Variants in KCNQ5 observed in about 807,000 individuals in gnomAD.
KCNQ5 encodes potassium voltage-gated channel subfamily Q member 5.
Under a neutral mutation model 98.2 loss-of-function variants are expected in KCNQ5, and 30 were observed. The ratio of observed to expected loss-of-function variants is 0.31; its 90% CI spans 0.23 to 0.41. The LOEUF (loss-of-function observed/expected upper bound fraction) is 0.41. KCNQ5 is among the 10% of genes least tolerant of loss of function. The pLI is 1.00. For missense variants in KCNQ5, 835 were observed against 1,182.5 expected (o/e 0.71, Z 4.31); for synonymous variants, 458 against 449.4 (o/e 1.02, Z -0.24).
chr6:72,664,595 CA>C (rs1476066972), intron 1 of KCNQ5, among the ~76,000 whole-genome samples: 1 of 151,998 alleles, frequency 6.6e-6, no homozygotes, highest in African/African-American at 2.4e-5. Context: ...GCAGAGCTTG[CA>C]ATGAGCTGAG....
intron 1 of KCNQ5, among the ~76,000 whole-genome samples, chr6:72,846,511 A>AG (rs1489479508): frequency 7.2e-6 from 1 of 138,220 alleles, no homozygotes; most frequent in Admixed American, 6.9e-5. Flanking sequence ...TCATCTCTAC[A>AG]GGGGAAAAAA....
rs375322523 is a variant in KCNQ5 at position 72,803,829 on chromosome 6, T to A, written c.398+181242T>A. Among the ~76,000 whole-genome samples, 15 of 152,252 alleles carry A rather than the reference T, an allele frequency of 9.9e-5. No individual in the cohort carries two copies. In the East Asian group the frequency reaches 1.7e-3, roughly 18 times the overall value. ...TCCCCTAAGATAGGTTCTTCTAAAC[T>A]GTTATAAATAATACTTTTGTTTGTG... On this transcript the variant is annotated intron_variant, in intron 1 of 13. Transcript: ENST00000370398.
intron 1 of KCNQ5, among the ~76,000 whole-genome samples, chr6:72,960,179 C>A (rs1278675934): frequency 6.6e-6 from 1 of 152,206 alleles, no homozygotes; most frequent in South Asian, 2.1e-4. Context: ...GAGAAAGTGA[C>A]CAAATGATCC....
At chr6:73,023,203 T>C (rs999455748) in intron 2 of KCNQ5, among the ~76,000 whole-genome samples, 1 of 151,384 alleles carries the variant, frequency 6.6e-6, no homozygotes, top group Non-Finnish European at 1.5e-5. Flanking sequence ...CATCAAGGGG[T>C]GGTGTTTGAG....
chr6:72,651,388 A>C (rs2154472409), intron 1 of KCNQ5, among the ~76,000 whole-genome samples: 1 of 152,222 alleles, frequency 6.6e-6, no homozygotes, highest in Non-Finnish European at 1.5e-5. Flanking sequence ...CAGTGGAAAA[A>C]ACAACATAGC....
chr6:72,818,483 T>C (rs1198248647), intron 1 of KCNQ5, among the ~76,000 whole-genome samples: 1 of 152,046 alleles, frequency 6.6e-6, no homozygotes, highest in African/African-American at 2.4e-5. Context: ...GTAGTACCTA[T>C]GTGACAATCT....
chr6:72,910,271 G>A (rs949478161), intron 1 of KCNQ5, among the ~76,000 whole-genome samples: 1 of 151,992 alleles, frequency 6.6e-6, no homozygotes, highest in African/African-American at 2.4e-5. Context: ...GTTTAGAGCT[G>A]GACAGGACCT....
chr6:72,650,804 C>T (rs938910431), intron 1 of KCNQ5, among the ~76,000 whole-genome samples: 2 of 152,016 alleles, frequency 1.3e-5, no homozygotes, highest in African/African-American at 4.8e-5. Flanking sequence ...CTAGCCTTCA[C>T]GTGGTTTTAG....
At chr6:73,022,224 A>G (rs1467807504) in intron 2 of KCNQ5, among the ~76,000 whole-genome samples, 2 of 152,310 alleles carry the variant, frequency 1.3e-5, no homozygotes, top group Non-Finnish European at 1.5e-5. Context: ...ACAGCTTCCT[A>G]TAACATTTTA....
chr6:73,157,449 C>T, intron 10 of KCNQ5: 1 of 671,708 alleles, frequency 1.5e-6, no homozygotes, highest in Non-Finnish European at 2.7e-6. Flanking sequence ...GCGGTGGGAG[C>T]TCAGGGCGCC....
intron 1 of KCNQ5, among the ~76,000 whole-genome samples, chr6:72,951,852 A>G (rs181074025): frequency 6.6e-5 from 10 of 152,344 alleles, no homozygotes; most frequent in Non-Finnish European, 1.2e-4. Flanking sequence ...TGAAGAGTGT[A>G]ATGTACTTCT....
intron 2 of KCNQ5, among the ~76,000 whole-genome samples, chr6:73,026,085 G>A (rs552745717): frequency 6.2e-4 from 95 of 152,154 alleles, no homozygotes; most frequent in African/African-American, 1.9e-3. Context: ...CCTGATCCTC[G>A]GATCATCTCC....
At position 72,622,084 on chromosome 6, in the gene KCNQ5, C is replaced by G; in HGVS notation, c.-106C>G. On this transcript the variant is annotated 5_prime_UTR_variant, in exon 1 of 14. Coordinates refer to ENST00000370398, the MANE Select transcript of KCNQ5 (RefSeq NM_019842.4). This position sits in a 1 kb window ranked among gnomAD's most constrained non-coding sequence, Gnocchi z 6.0. ...GGCTCAGAGGTCTCTGGCTGGCGGG[C>G]GCCCCGTCGGCCGCCGGCTTCCTCC... is the stretch of plus-strand genomic sequence containing the variant. 3 of 990,998 alleles carry G rather than the reference C, an allele frequency of 3.0e-6. No individual in the cohort carries two copies. The highest frequency in any genetic ancestry group is 3.9e-6 in the Non-Finnish European group (3 of 776,050). 61.4% of individuals were successfully genotyped at this position (990,998 alleles called of 1,614,324 possible).
At chr6:72,661,123 T>A (rs952483568) in intron 1 of KCNQ5, among the ~76,000 whole-genome samples, 12 of 151,916 alleles carry the variant, frequency 7.9e-5, no homozygotes, top group African/African-American at 1.9e-4. Flanking sequence ...GAAACTCATT[T>A]TATATATATA....
At chr6:72,798,603 A>G (rs543823582) in intron 1 of KCNQ5, among the ~76,000 whole-genome samples, 41 of 152,296 alleles carry the variant, frequency 2.7e-4, no homozygotes, top group African/African-American at 9.6e-4. Context: ...TCCATTTTTT[A>G]TAAATCACCC....
At chr6:73,111,655 G>C (rs866463059) in intron 7 of KCNQ5, among the ~76,000 whole-genome samples, 1 of 152,182 alleles carries the variant, frequency 6.6e-6, no homozygotes, top group South Asian at 2.1e-4. Context: ...TGTCAGCAAG[G>C]CCATGCAAAG....
chr6:72,898,695 T>A (rs1779354266), intron 1 of KCNQ5, among the ~76,000 whole-genome samples: 1 of 152,196 alleles, frequency 6.6e-6, no homozygotes, highest in Non-Finnish European at 1.5e-5. Context: ...TACCCAGTAA[T>A]GGGATTGCTG....
At chr6:73,111,708 T>A (rs148390396) in intron 7 of KCNQ5, among the ~76,000 whole-genome samples, 85 of 152,350 alleles carry the variant, frequency 5.6e-4, no homozygotes, top group African/African-American at 1.9e-3. Flanking sequence ...ATATGTCTTA[T>A]GAATTACTTG....
intron 10 of KCNQ5, among the ~76,000 whole-genome samples, chr6:73,155,306 T>C (rs1216682434): frequency 6.6e-6 from 1 of 152,256 alleles, no homozygotes; most frequent in South Asian, 2.1e-4. Context: ...TCTGATGTTC[T>C]CCACATTGTG....
Sources: gnomAD v4.1 joint callset for allele counts (sites outside exome capture counted in the v4.1 genomes callset) on GRCh38, gnomAD v4.1.1 for gene constraint, Gnocchi (gnomAD v3.1) non-coding constraint, MANE v1.5 for transcripts, NCBI Gene and HGNC (gene_info 2026-07-23, HGNC 2026-07-21) for gene names.